The following DENND2B variants were observed in gnomAD, a reference collection of about 807,000 sequenced individuals.
The protein encoded by DENND2B is DENN domain containing 2B.
DENND2B carries 32 observed loss-of-function variants against 116.0 expected under a neutral mutation model. That is an observed-to-expected ratio of 0.28 (90% CI 0.21 to 0.37). DENND2B has a LOEUF of 0.37. Ranked by LOEUF, DENND2B falls within the 10% of genes least tolerant of loss-of-function variation. The pLI is 1.00. For missense variants in DENND2B, 1,276 were observed against 1,477.7 expected (o/e 0.86, Z 2.24); for synonymous variants, 588 against 583.9 (o/e 1.01, Z -0.10).
At chr11:8,837,809 G>A (rs926281569) in intron 4 of DENND2B, among the ~76,000 whole-genome samples, 2 of 152,086 alleles carry the variant, frequency 1.3e-5, no homozygotes, top group African/African-American at 2.4e-5. Context: ...AGCAAACATC[G>A]AAGGTCTCTG....
At chr11:8,746,532 TATATG>T (rs1310714140) in intron 2 of DENND2B, among the ~76,000 whole-genome samples, 1 of 152,216 alleles carries the variant, frequency 6.6e-6, no homozygotes, top group Admixed American at 6.5e-5. Context: ...TATGAGATAC[TATATG>T]ATAAGTGCCA....
At chr11:8,797,433 T>C (rs2059914982) in intron 1 of DENND2B, among the ~76,000 whole-genome samples, 3 of 125,866 alleles carry the variant, frequency 2.4e-5, no homozygotes, top group Admixed American at 8.1e-5. Flanking sequence ...CTTATCCCCT[T>C]CCCCCTTCTT....
intron 1 of DENND2B, among the ~76,000 whole-genome samples, chr11:8,770,910 AC>A (rs1189140951): frequency 1.3e-5 from 2 of 151,908 alleles, no homozygotes; most frequent in Non-Finnish European, 2.9e-5. Flanking sequence ...AAGTACGCAC[AC>A]CCCACCTTTT....
At chr11:8,796,750 T>C (rs982811297) in intron 1 of DENND2B, among the ~76,000 whole-genome samples, 24 of 152,178 alleles carry the variant, frequency 1.6e-4, no homozygotes, top group Admixed American at 4.6e-4. Flanking sequence ...CATCTTCTTA[T>C]ACAATAGGGG....
Position 8,730,832 on chromosome 11 carries a change from G to T in DENND2B, c.458C>A (p.Thr153Asn). 6.2e-7 allele frequency: 1 copy of T among 1,613,274 alleles called. No homozygotes were observed. The highest frequency in any genetic ancestry group is 8.5e-7 in the Non-Finnish European group (1 of 1,179,980). The change falls in exon 3 of 20, where the codon ACC becomes AAC. Residue 153 changes from threonine (T) to asparagine (N), a missense_variant. Coordinates refer to ENST00000313726, the MANE Select transcript of DENND2B (RefSeq NM_213618.2). This position sits in a 1 kb window ranked among gnomAD's most constrained non-coding sequence, Gnocchi z 4.1. ...GCTGTGGGCGCGGGTACCGGTACGG[G>T]TCAGCAAGACGCCCCGGGGGCCAGC... is the stretch of plus-strand genomic sequence containing the variant. ...PAAGPRGVLL[T>N]RTGTRAHSLG...
intron 2 of DENND2B, among the ~76,000 whole-genome samples, chr11:8,865,976 T>G (rs181102739): frequency 6.6e-6 from 1 of 152,090 alleles, no homozygotes; most frequent in Non-Finnish European, 1.5e-5. Context: ...TTCTTTTATT[T>G]TGAGACGGAG....
At chr11:8,751,263 A>T (rs2052412207) in intron 1 of DENND2B, among the ~76,000 whole-genome samples, 1 of 152,122 alleles carries the variant, frequency 6.6e-6, no homozygotes, top group African/African-American at 2.4e-5. Context: ...AGGGTTTGTA[A>T]ATGCACCAAT....
chr11:8,869,025 T>C (rs1005127415), intron 2 of DENND2B, among the ~76,000 whole-genome samples: 3 of 152,240 alleles, frequency 2.0e-5, no homozygotes, highest in African/African-American at 4.8e-5. Context: ...TTAGAGTCAG[T>C]GTATTTTACA....
chr11:8,814,495 G>T (rs1789450402), upstream of DENND2B, among the ~76,000 whole-genome samples: 1 of 151,948 alleles, frequency 6.6e-6, no homozygotes, highest in African/African-American at 2.4e-5. Flanking sequence ...TTTCCAGGTT[G>T]TTTCCCGTTG....
In DENND2B at chr11:8,715,619, G is replaced by A. The variant is rs535294437; in HGVS notation, c.1829C>T (p.Ala610Val). ...GGAGGGTACCTTGGGAATGCGGCGG[G>A]CCCGGCGGCTGGACAGCAGCTCGCT... is the stretch of plus-strand genomic sequence containing the variant. Reference protein sequence around the residue: ...TTSELLSSRRARRIPKLVQRI... With the variant: ...TTSELLSSRRVRRIPKLVQRI... The change falls in exon 6 of 20, where the codon GCC (alanine) becomes GTC (valine). Residue 610 changes from alanine (A) to valine (V), a missense_variant. Physicochemically the swap from Ala to Val is moderately conservative, Grantham distance 64. Coordinates refer to ENST00000313726, the MANE Select transcript of DENND2B (RefSeq NM_213618.2). 3 of 1,612,436 alleles carry A rather than the reference G, an allele frequency of 1.9e-6. No individual in the cohort carries two copies. Among genetic ancestry groups the A allele is most frequent in the Middle Eastern group, 3.3e-4 (2 of 6,058 alleles).
chr11:8,739,840 T>C (rs1438219623), intron 2 of DENND2B, among the ~76,000 whole-genome samples: 10 of 152,056 alleles, frequency 6.6e-5, no homozygotes, highest in Non-Finnish European at 1.5e-4. Context: ...GACACATAAT[T>C]AGGATGGAAA....
chr11:8,854,269 T>A (rs2063118751), intron 3 of DENND2B, among the ~76,000 whole-genome samples: 1 of 151,590 alleles, frequency 6.6e-6, no homozygotes, highest in African/African-American at 2.4e-5. Flanking sequence ...CAGCACAATC[T>A]CAGCTCACTG....
At chr11:8,717,318 G>C (rs561159023) in intron 5 of DENND2B, among the ~76,000 whole-genome samples, 1 of 152,242 alleles carries the variant, frequency 6.6e-6, no homozygotes, top group African/African-American at 2.4e-5. Flanking sequence ...CCTAATGCCA[G>C]TACTGAGATG....
At chr11:8,863,257 CTTT>C (rs56359289) in intron 2 of DENND2B, among the ~76,000 whole-genome samples, 2 of 124,504 alleles carry the variant, frequency 1.6e-5, no homozygotes, top group Non-Finnish European at 3.4e-5. Context: ...ACGCCACTTT[CTTT>C]TTTTTTTTTT....
intron 2 of DENND2B, among the ~76,000 whole-genome samples, chr11:8,747,631 G>A (rs2051506901): frequency 6.6e-6 from 1 of 152,196 alleles, no homozygotes; most frequent in Non-Finnish European, 1.5e-5. Context: ...TATCTTGTGA[G>A]CTGAAATGGG....
At chr11:8,739,328 C>T (rs952377251) in intron 2 of DENND2B, among the ~76,000 whole-genome samples, 4 of 152,140 alleles carry the variant, frequency 2.6e-5, no homozygotes, top group African/African-American at 9.7e-5. Flanking sequence ...GGGTCCTGGT[C>T]CCATCACTTT....
At chr11:8,835,700 A>G (rs2062394336) in intron 4 of DENND2B, 1 of 152,172 alleles carries the variant, frequency 6.6e-6, no homozygotes, top group South Asian at 2.1e-4. Context: ...GACGCACTGG[A>G]TATTATGTGA....
At chr11:8,910,712 G>GTGTGTGTC (rs1410121431) in intron 1 of DENND2B, 3 of 126,056 alleles carry the variant, frequency 2.4e-5, no homozygotes, top group Non-Finnish European at 5.0e-5. Context: ...CCTGGCTAGT[G>GTGTGTGTC]TGTGTGTGTG....
At chr11:8,881,794 C>T (rs1487933429) in intron 1 of DENND2B, among the ~76,000 whole-genome samples, 1 of 152,208 alleles carries the variant, frequency 6.6e-6, no homozygotes, top group Admixed American at 6.5e-5. Flanking sequence ...ATCCACCCAC[C>T]TCAGCCTCCC....
Sources: gnomAD v4.1 joint callset for allele counts (sites outside exome capture counted in the v4.1 genomes callset) on GRCh38, gnomAD v4.1.1 for gene constraint, Gnocchi (gnomAD v3.1) non-coding constraint, MANE v1.5 for transcripts, NCBI Gene and HGNC (gene_info 2026-07-23, HGNC 2026-07-21) for gene names.